QTMAN: variants seen among roughly 807,000 people sequenced by gnomAD.
QTMAN encodes queuosine-tRNA mannosyltransferase.
At chr2:144,286,732 G>T in the QTMAN span, among the ~76,000 whole-genome samples, 2 of 152,136 alleles carry the variant, frequency 1.3e-5, no homozygotes, top group Non-Finnish European at 2.9e-5. Flanking sequence ...AACAGAGAAT[G>T]CAGAGTAAAT....
the QTMAN span, among the ~76,000 whole-genome samples, chr2:143,999,253 C>G: frequency 2.6e-5 from 4 of 151,856 alleles, no homozygotes; most frequent in African/African-American, 7.3e-5. Flanking sequence ...GCCTTCGGTG[C>G]GTGGACATTC....
chr2:144,159,431 G>A, the QTMAN span, among the ~76,000 whole-genome samples: 2 of 151,932 alleles, frequency 1.3e-5, no homozygotes, highest in Non-Finnish European at 2.9e-5. Context: ...CTGCATTACC[G>A]TCACCAACCA....
At chr2:144,317,358 T>C in the QTMAN span, 1 of 104,894 alleles carries the variant, frequency 9.5e-6, no homozygotes, top group Non-Finnish European at 1.8e-5. Flanking sequence ...CAACAAGATC[T>C]TCAAGGGGAA....
At chr2:144,252,032 TG>T in the QTMAN span, among the ~76,000 whole-genome samples, 1 of 151,692 alleles carries the variant, frequency 6.6e-6, no homozygotes, top group Non-Finnish European at 1.5e-5. Flanking sequence ...CCTGCCTCTA[TG>T]TTTTTTTTTT....
At chr2:144,011,754 C>A in the QTMAN span, 4 of 984,362 alleles carry the variant, frequency 4.1e-6, no homozygotes, top group African/African-American at 7.0e-5. Context: ...CGTGACTATG[C>A]AAATAGGCAC....
chr2:144,199,291 C>T, the QTMAN span, among the ~76,000 whole-genome samples: 3 of 152,190 alleles, frequency 2.0e-5, no homozygotes, highest in South Asian at 4.1e-4. Context: ...CCAGGTGATC[C>T]GCCCGCCTCG....
chr2:144,176,098 C>T, the QTMAN span, among the ~76,000 whole-genome samples: 2 of 151,848 alleles, frequency 1.3e-5, no homozygotes, highest in Non-Finnish European at 1.5e-5. Flanking sequence ...TAATTAGATG[C>T]CAAAATCTTA....
At chr2:144,328,667 A>G in the QTMAN span, among the ~76,000 whole-genome samples, 1 of 152,218 alleles carries the variant, frequency 6.6e-6, no homozygotes, top group South Asian at 2.1e-4. Context: ...ACTAGGACTG[A>G]CATCAGAACC....
At chr2:143,981,042 C>G in the QTMAN span, among the ~76,000 whole-genome samples, 30 of 152,198 alleles carry the variant, frequency 2.0e-4, no homozygotes, top group Admixed American at 1.9e-3. Context: ...AAATTTGTTA[C>G]TTGCAGTCAT....
the QTMAN span, among the ~76,000 whole-genome samples, chr2:144,061,715 G>C: frequency 0.021 from 3,240 of 152,180 alleles, 51 homozygotes; most frequent in Non-Finnish European, 0.034. Context: ...CCCTAAATGA[G>C]AACAGGCATT....
the QTMAN span, among the ~76,000 whole-genome samples, chr2:144,043,960 G>T: frequency 4.6e-5 from 7 of 152,102 alleles, no homozygotes; most frequent in Non-Finnish European, 7.4e-5. Context: ...TAGAGCAGTG[G>T]TATTTGCTAA....
chr2:143,985,311 G>A, the QTMAN span, among the ~76,000 whole-genome samples: 1 of 152,202 alleles, frequency 6.6e-6, no homozygotes, highest in Non-Finnish European at 1.5e-5. Flanking sequence ...TCCCACAAAA[G>A]GGTCAAGGGA....
At chr2:144,293,451 T>A in the QTMAN span, among the ~76,000 whole-genome samples, 367 of 152,330 alleles carry the variant, frequency 2.4e-3, 3 homozygotes, top group Non-Finnish European at 3.5e-3. Flanking sequence ...AGATATTATA[T>A]GGGTCTCAAA....
the QTMAN span, among the ~76,000 whole-genome samples, chr2:144,297,557 CTT>C: frequency 1.3e-5 from 2 of 149,016 alleles, no homozygotes; most frequent in Non-Finnish European, 3.0e-5. Context: ...AATCCCAGAC[CTT>C]TGGGAGCAGG....
At chr2:144,257,476 G>T in the QTMAN span, among the ~76,000 whole-genome samples, 1 of 152,052 alleles carries the variant, frequency 6.6e-6, no homozygotes, top group African/African-American at 2.4e-5. Context: ...GCCAAAAGGG[G>T]TCAAAGAGAG....
the QTMAN span, among the ~76,000 whole-genome samples, chr2:144,316,918 C>A: frequency 6.6e-6 from 1 of 152,280 alleles, no homozygotes; most frequent in South Asian, 2.1e-4. Flanking sequence ...TTGTATACAC[C>A]ATTTAACTTG....
At chr2:144,192,617 T>C in the QTMAN span, among the ~76,000 whole-genome samples, 1 of 152,236 alleles carries the variant, frequency 6.6e-6, no homozygotes, top group Non-Finnish European at 1.5e-5. Context: ...GGAAAATTTA[T>C]TTCTATAGGA....
the QTMAN span, among the ~76,000 whole-genome samples, chr2:144,116,915 A>G: frequency 2.0e-5 from 3 of 152,144 alleles, no homozygotes; most frequent in African/African-American, 4.8e-5. Flanking sequence ...CAAATGGTCT[A>G]TGCTATTGAG....
the QTMAN span, among the ~76,000 whole-genome samples, chr2:144,088,571 T>C: frequency 6.6e-6 from 1 of 152,054 alleles, no homozygotes; most frequent in Non-Finnish European, 1.5e-5. Context: ...TTTCAATACA[T>C]ATTACAAGTC....
Sources: gnomAD v4.1 joint callset for allele counts (sites outside exome capture counted in the v4.1 genomes callset) on GRCh38, gnomAD v4.1.1 for gene constraint, MANE v1.5 for transcripts, NCBI Gene and HGNC (gene_info 2026-07-23, HGNC 2026-07-21) for gene names.